AKAP6: variants seen among roughly 807,000 people sequenced by gnomAD.
AKAP6 encodes the protein A-kinase anchoring protein 6, also known as A-kinase anchor protein 6.
Under a neutral mutation model 188.5 loss-of-function variants are expected in AKAP6, and 58 were observed. That is an observed-to-expected ratio of 0.31 (90% CI 0.25 to 0.38). The LOEUF is 0.38. Among genes scored for constraint, AKAP6 ranks in the 10% least tolerant of loss-of-function variants. The probability of loss-of-function intolerance (pLI) is 1.00; values close to 1 mark genes in which losing one functional copy is unlikely to be tolerated. For synonymous variants in AKAP6, 989 were observed against 998.6 expected (o/e 0.99, Z 0.18); for missense variants, 2,710 against 2,740.0 (o/e 0.99, Z 0.24).
At chr14:32,761,956 A>G (rs1231641220) in intron 11 of AKAP6, among the ~76,000 whole-genome samples, 1 of 152,118 alleles carries the variant, frequency 6.6e-6, no homozygotes, top group Non-Finnish European at 1.5e-5. Context: ...ATTCCCACAG[A>G]ATCAATAAAA....
intron 2 of AKAP6, among the ~76,000 whole-genome samples, chr14:32,490,095 A>G (rs988063910): frequency 6.6e-6 from 1 of 151,910 alleles, no homozygotes; most frequent in Admixed American, 6.6e-5. Flanking sequence ...GGAGATTACA[A>G]AGAACCTTCT....
chr14:32,720,580 G>A (rs754484829), intron 9 of AKAP6, among the ~76,000 whole-genome samples: 1 of 152,164 alleles, frequency 6.6e-6, no homozygotes, highest in African/African-American at 2.4e-5. Context: ...ATTTCTTATA[G>A]CACATATTAG....
At chr14:32,537,115 C>G (rs985059345) in intron 3 of AKAP6, among the ~76,000 whole-genome samples, 7 of 152,178 alleles carry the variant, frequency 4.6e-5, no homozygotes, top group Non-Finnish European at 8.8e-5. Flanking sequence ...TGTGCCTATT[C>G]TCATAAATCA....
chr14:32,699,854 A>G (rs868037132), intron 9 of AKAP6, among the ~76,000 whole-genome samples: 13 of 152,226 alleles, frequency 8.5e-5, no homozygotes, highest in African/African-American at 2.9e-4. Flanking sequence ...TTAATTTGTC[A>G]AAAGTAACCA....
At chr14:32,372,001 T>C (rs910622706) in intron 1 of AKAP6, among the ~76,000 whole-genome samples, 3 of 151,378 alleles carry the variant, frequency 2.0e-5, no homozygotes, top group African/African-American at 7.3e-5. Flanking sequence ...TTCCTTCTCT[T>C]TTTTTTTCCC....
intron 5 of AKAP6, 134 bp from the exon 6 acceptor site, chr14:32,599,276 A>AC (rs1397041047): frequency 1.6e-6 from 1 of 643,154 alleles, no homozygotes. Context: ...AATAGCTTTT[A>AC]GTATTGCAAA....
intron 2 of AKAP6, among the ~76,000 whole-genome samples, chr14:32,504,909 T>C (rs1880792587): frequency 6.6e-6 from 1 of 152,172 alleles, no homozygotes; most frequent in African/African-American, 2.4e-5. Flanking sequence ...ATCTGGGATA[T>C]ACTAGTCTTC....
intron 11 of AKAP6, among the ~76,000 whole-genome samples, chr14:32,736,953 T>A (rs1252999835): frequency 6.6e-6 from 1 of 152,146 alleles, no homozygotes; most frequent in Non-Finnish European, 1.5e-5. Context: ...ATTGAAAACC[T>A]CCTCTTCTGC....
chr14:32,722,548 C>A (rs1284918167), intron 9 of AKAP6, among the ~76,000 whole-genome samples: 31 of 152,100 alleles, frequency 2.0e-4, no homozygotes, highest in Admixed American at 2.0e-3. Context: ...GCCCACCACG[C>A]CCCCTACCCT....
chr14:32,765,175 C>T (rs61345522), intron 11 of AKAP6, among the ~76,000 whole-genome samples: 1,941 of 152,110 alleles, frequency 0.013, 40 homozygotes, highest in African/African-American at 0.043. Flanking sequence ...CCTCGTGATC[C>T]GCCTGCCTCA....
At chr14:32,339,293 T>A (rs1886819933) in intron 1 of AKAP6, among the ~76,000 whole-genome samples, 2 of 152,172 alleles carry the variant, frequency 1.3e-5, no homozygotes, top group African/African-American at 4.8e-5. Context: ...AAAAATTAAC[T>A]CTCTTTTGCA....
At chr14:32,808,771 A>G (rs934891772) in intron 12 of AKAP6, among the ~76,000 whole-genome samples, 3 of 152,142 alleles carry the variant, frequency 2.0e-5, no homozygotes, top group Non-Finnish European at 4.4e-5. Flanking sequence ...TCTATATGAC[A>G]TTTGTGTCAT....
At chr14:32,591,147 T>C (rs1885468737) in intron 5 of AKAP6, among the ~76,000 whole-genome samples, 1 of 152,212 alleles carries the variant, frequency 6.6e-6, no homozygotes, top group Admixed American at 6.5e-5. Flanking sequence ...CTGCTGCACA[T>C]CAATTATTCC....
chr14:32,503,784 C>T (rs1308313593), intron 2 of AKAP6, among the ~76,000 whole-genome samples: 1 of 151,898 alleles, frequency 6.6e-6, no homozygotes, highest in Non-Finnish European at 1.5e-5. Context: ...TGAGACTTTA[C>T]AATATATTTT....
chr14:32,717,034 T>C (rs1239333078), intron 9 of AKAP6, among the ~76,000 whole-genome samples: 1 of 152,098 alleles, frequency 6.6e-6, no homozygotes, highest in African/African-American at 2.4e-5. Flanking sequence ...GGGATGACCA[T>C]GGAAATATGA....
chr14:32,544,091 G>A (rs1240920097), intron 3 of AKAP6, among the ~76,000 whole-genome samples: 1 of 152,160 alleles, frequency 6.6e-6, no homozygotes, highest in Non-Finnish European at 1.5e-5. Context: ...ATAAGATCCT[G>A]GAGAAGCCAG....
At chr14:32,800,777 G>A (rs1315963994) in intron 12 of AKAP6, among the ~76,000 whole-genome samples, 1 of 152,106 alleles carries the variant, frequency 6.6e-6, no homozygotes, top group Non-Finnish European at 1.5e-5. Flanking sequence ...CATTTTGGGA[G>A]GCCAAAGTGT....
intron 11 of AKAP6, among the ~76,000 whole-genome samples, chr14:32,752,292 T>C (rs2032168866): frequency 6.6e-6 from 1 of 152,206 alleles, no homozygotes; most frequent in Non-Finnish European, 1.5e-5. Context: ...GCCTACTCTT[T>C]GTTAATTTAC....
At chr14:32,760,860 A>G (rs1252878806) in intron 11 of AKAP6, among the ~76,000 whole-genome samples, 2 of 152,202 alleles carry the variant, frequency 1.3e-5, no homozygotes, top group South Asian at 2.1e-4. Context: ...CCAGTTGACT[A>G]ATATTTAGTC....
Sources: allele counts gnomAD v4.1 joint callset (sites outside exome capture counted in the v4.1 genomes callset), GRCh38; gene constraint gnomAD v4.1.1; transcripts MANE v1.5; gene names NCBI Gene and HGNC (gene_info 2026-07-23, HGNC 2026-07-21).